CCDC157: variants seen among roughly 807,000 people sequenced by gnomAD.
CCDC157 encodes coiled-coil domain-containing protein 157.
A neutral mutation model predicts 70.9 loss-of-function variants in CCDC157; 60 were observed. The ratio of observed to expected loss-of-function variants is 0.85; its 90% CI spans 0.69 to 1.05. The LOEUF (loss-of-function observed/expected upper bound fraction) is 1.05, where lower values mean the gene tolerates loss of function less well. CCDC157 is among the 50% of genes least tolerant of loss of function. The pLI is 0.00. For missense variants in CCDC157, 943 were observed against 984.2 expected (o/e 0.96, Z 0.56); for synonymous variants, 373 against 422.4 (o/e 0.88, Z 1.43).
intron 7 of CCDC157, 30 bp from the exon 8 acceptor site, chr22:30,373,567 C>T: frequency 6.4e-7 from 1 of 1,550,772 alleles, no homozygotes; most frequent in Non-Finnish European, 8.7e-7. Flanking sequence ...GTGGGTCTCA[C>T]AGCCTCCCTG....
At position 30,357,033 on chromosome 22, in the gene CCDC157, C is replaced by A. The variant is rs62227732; in HGVS notation, c.-265C>A. ...TTGCCAAGGCAGCGGCCTGAGCGCCCGGCTAGGGCTTTTCGGGGATCCCGG... is the reference window on the plus strand; with the variant it reads ...TTGCCAAGGCAGCGGCCTGAGCGCCAGGCTAGGGCTTTTCGGGGATCCCGG... On this transcript the variant is annotated 5_prime_UTR_variant, in exon 1 of 12. Coordinates refer to ENST00000338306, the MANE Select transcript of CCDC157 (RefSeq NM_001017437.5). 26,780 of 382,928 alleles carry A rather than the reference C, an allele frequency of 0.07. 1,228 individuals are homozygous for A. The highest frequency in any genetic ancestry group is 0.12 in the Middle Eastern group (183 of 1,510). 23.7% of individuals were successfully genotyped at this position (382,928 alleles called of 1,614,324 possible). A position where few individuals can be genotyped will look rare whatever the true frequency, so the allele number is the denominator to read the frequency against.
At position 30,370,570 on chromosome 22, in the gene CCDC157, ACGCATG is replaced by A; in HGVS notation, c.669_674del (p.Cys224_Ala225del). 6.2e-7 allele frequency: 1 copy of A among 1,614,014 alleles called. No homozygotes were observed. Among genetic ancestry groups the A allele is most frequent in the Non-Finnish European group, 8.5e-7 (1 of 1,180,028 alleles). On this transcript the variant is annotated inframe_deletion, in exon 5 of 12. Coordinates refer to ENST00000338306, the MANE Select transcript of CCDC157 (RefSeq NM_001017437.5). Reference sequence around the variant, plus strand: ...ATTGAGACGGCCCTGGTGCCCTGTGACGCATGCGCCAGCGTCCAGGGAAGCCTGCAG... The same window carrying A: ...ATTGAGACGGCCCTGGTGCCCTGTGACGCCAGCGTCCAGGGAAGCCTGCAG...
intron 8 of CCDC157, 40 bp downstream of exon 8, chr22:30,373,804 G>A (rs760515661): frequency 1.1e-5 from 17 of 1,534,844 alleles, no homozygotes; most frequent in Admixed American, 8.1e-5. Context: ...AGAAGTCTCC[G>A]GCCAACTGAG....
At chr22:30,356,819 C>CG (rs1215983497), upstream of CCDC157, 3 of 1,329,236 alleles carry the variant, frequency 2.3e-6, no homozygotes, top group Non-Finnish European at 1.9e-6. Context: ...GCTGCCAGTC[C>CG]GCCTCGGTGT....
chr22:30,374,252 G>GC, intron 9 of CCDC157, 161 bp downstream of exon 9: 3 of 787,332 alleles, frequency 3.8e-6, no homozygotes, highest in Non-Finnish European at 6.1e-6. Context: ...ACCACAGCAC[G>GC]CAAGTGCTTC....
chr22:30,370,786 G>A lies in CCDC157; in HGVS notation c.881G>A (p.Arg294Lys). The change falls in exon 5 of 12, where the codon AGG becomes AAG. Residue 294 changes from arginine to lysine, a missense_variant. Physicochemically the swap from Arg to Lys is conservative, Grantham distance 26. Transcript: ENST00000338306. ...CTCAGTAAGCATGTGGAGGCCCTCA[G>A]GGCCCAGCTGGAGGAGGCTGAAGGG... ...TRLSKHVEAL[R>K]AQLEEAEGQK... is the part of the protein sequence containing the mutation. The A allele has an allele frequency of 6.2e-7, 1 of 1,613,522 alleles. No homozygotes were observed. Among genetic ancestry groups the A allele is most frequent in the African/African-American group, 1.3e-5 (1 of 75,074 alleles).
intron 2 of CCDC157, among the ~76,000 whole-genome samples, chr22:30,365,331 G>A (rs1932646832): frequency 6.6e-6 from 1 of 151,248 alleles, no homozygotes. Context: ...GGTAGGAGGG[G>A]AGACTGTGGG....
chr22:30,362,771 C>T (rs372876227), intron 2 of CCDC157, among the ~76,000 whole-genome samples: 12 of 152,104 alleles, frequency 7.9e-5, no homozygotes, highest in Non-Finnish European at 1.0e-4. Flanking sequence ...ATTGGCAGCA[C>T]TGGGTCCTGG....
chr22:30,371,765 A>G (rs1332637376), intron 6 of CCDC157, 38 bp downstream of exon 6: 1 of 1,494,490 alleles, frequency 6.7e-7, no homozygotes, highest in African/African-American at 1.4e-5. Context: ...GCCACATCTC[A>G]AGCCAGGGGT....
At chr22:30,361,247 CAAAAAAA>C (rs33971565) in intron 1 of CCDC157, among the ~76,000 whole-genome samples, 15 of 62,208 alleles carry the variant, frequency 2.4e-4, no homozygotes, top group South Asian at 6.6e-4. Context: ...GACTCTGTCT[CAAAAAAA>C]AAAAAAAAAA....
In CCDC157 at chr22:30,372,301, C is replaced by T. The variant is rs1442903931; in HGVS notation, c.1335+15C>T. ...GCCACCAGGAGGTGAGGCCAGGGCC[C>T]TCGCTAGCCTGGGCATCTGCAATGT... On this transcript the variant is annotated intron_variant, in intron 7 of 11. Coordinates refer to ENST00000338306, the MANE Select transcript of CCDC157 (RefSeq NM_001017437.5). 1 of 1,523,038 alleles carries T rather than the reference C, an allele frequency of 6.6e-7. No individual in the cohort carries two copies. Among genetic ancestry groups the T allele is most frequent in the African/African-American group, 1.4e-5 (1 of 73,254 alleles). The allele number at this position is 1,523,038 out of a possible 1,614,324, so 94.3% of individuals were successfully genotyped here.
intron 10 of CCDC157, chr22:30,375,879 C>CT: frequency 5.2e-6 from 3 of 575,956 alleles, no homozygotes; most frequent in Non-Finnish European, 9.0e-6. Context: ...GCTGTCATTC[C>CT]TTTAAGTGCA....
At chr22:30,356,818 C>G, upstream of CCDC157, 1 of 1,333,760 alleles carries the variant, frequency 7.5e-7, no homozygotes. Flanking sequence ...GGCTGCCAGT[C>G]CGCCTCGGTG....
chr22:30,373,655 G>T lies in CCDC157; in HGVS notation c.1394G>T (p.Arg465Leu), dbSNP rs569921570. The change falls in exon 8 of 12, where the codon CGT becomes CTT. Residue 465 changes from arginine (R) to leucine (L), a missense_variant. Transcript: ENST00000338306. The stretch of plus-strand genomic sequence containing the variant: ...CAGCTGGACAGCCTGGACCAGGAAC[G>T]TGAGGAGCTGCGGGGCAGCCTGGAC... ...LKQLDSLDQE[R>L]EELRGSLDEA... 1.9e-6 allele frequency: 3 copies of T among 1,558,424 alleles called. No homozygotes were observed. The highest frequency in any genetic ancestry group is 1.9e-5 in the Admixed American group (1 of 51,996).
intron 4 of CCDC157, 126 bp from the exon 5 acceptor site, chr22:30,370,200 G>T: frequency 9.5e-7 from 1 of 1,056,284 alleles, no homozygotes; most frequent in Admixed American, 2.1e-5. Context: ...CGGTGTCAGA[G>T]AACATTTGAG....
At chr22:30,372,034 TC>T in intron 6 of CCDC157, 40 bp from the exon 7 acceptor site, 1 of 1,338,738 alleles carries the variant, frequency 7.5e-7, no homozygotes, top group Non-Finnish European at 1.0e-6. Flanking sequence ...AGTACAGCGC[TC>T]CCCTGCCCTA....
intron 4 of CCDC157, 153 bp from the exon 5 acceptor site, chr22:30,370,173 T>G: frequency 1.2e-6 from 1 of 860,886 alleles, no homozygotes; most frequent in South Asian, 1.6e-5. Context: ...AGGGAGAAAG[T>G]TCTCTCTTAT....
At position 30,370,946 on chromosome 22, in the gene CCDC157, C is replaced by T. The variant is rs768463061; in HGVS notation, c.1041C>T (p.Leu347=). 1.2e-6 allele frequency: 2 copies of T among 1,606,942 alleles called. No individual in the cohort carries two copies. The highest frequency in any genetic ancestry group is 2.2e-5 in the South Asian group (2 of 90,228). The change falls in exon 5 of 12, where the codon CTC becomes CTT. Residue 347 remains leucine (L), a synonymous_variant. Coordinates refer to ENST00000338306, the MANE Select transcript of CCDC157 (RefSeq NM_001017437.5). The part of the protein sequence containing the change: ...SEWEHDKQQL[L]TETSDLKTKM... ...GGGAGCACGACAAACAGCAGCTGCT[C>T]ACAGGTCTGTGCCCCAGAGGCCAGA...
In CCDC157 at chr22:30,370,829, G is replaced by A; in HGVS notation, c.924G>A (p.Arg308=). The A allele has an allele frequency of 1.2e-6, 2 of 1,612,930 alleles. No homozygotes were observed. The highest frequency in any genetic ancestry group is 1.7e-6 in the Non-Finnish European group (2 of 1,180,006). The change falls in exon 5 of 12, where the codon AGG becomes AGA. Residue 308 remains arginine (R), a synonymous_variant. Transcript: ENST00000338306. ...EEAEGQKDGL[R]KQAGKLEQAL... ...CTGAAGGGCAGAAGGATGGCCTGAGGAAGCAGGCGGGCAAGCTGGAGCAGG... is the reference window on the plus strand; with the variant it reads ...CTGAAGGGCAGAAGGATGGCCTGAGAAAGCAGGCGGGCAAGCTGGAGCAGG...
Sources: allele counts gnomAD v4.1 joint callset (sites outside exome capture counted in the v4.1 genomes callset), GRCh38; gene constraint gnomAD v4.1.1; transcripts MANE v1.5; gene names NCBI Gene and HGNC (gene_info 2026-07-23, HGNC 2026-07-21).